ZAN: variants seen among roughly 807,000 people sequenced by gnomAD.
ZAN encodes zonadhesin (gene/pseudogene).
Under a neutral mutation model 286.2 loss-of-function variants are expected in ZAN, and 260 were observed. The observed-to-expected ratio is 0.91, with a 90% CI of 0.82 to 1.01. The LOEUF is 1.01. Ranked by LOEUF, ZAN falls within the 50% of genes least tolerant of loss-of-function variation. The pLI is 0.00. For synonymous variants in ZAN, 1,368 were observed against 1,417.5 expected (o/e 0.97, Z 0.79); for missense variants, 3,410 against 3,639.2 (o/e 0.94, Z 1.62).
rs765867516 is a variant in ZAN at position 100,752,178 on chromosome 7, C to A, written c.2073C>A (p.Ile691=). Residue 691 remains isoleucine (I), a synonymous_variant, in exon 14 of 48, where the codon ATC becomes ATA. Transcript: ENST00000613979. ...KPSIPTEKPS[I]PTEKPTISME... ...GCATCCCTACAGAAAAACCCAGCAT[C>A]CCCACGGAAAAACCCACCATCTCCA... 6.2e-7 allele frequency: 1 copy of A among 1,611,488 alleles called. No individual in the cohort carries two copies. The highest frequency in any genetic ancestry group is 8.5e-7 in the Non-Finnish European group (1 of 1,179,436).
Position 100,747,608 on chromosome 7 carries a change from T to C in ZAN, c.990T>C (p.Val330=), listed in dbSNP as rs1293853685. 1 of 1,613,648 alleles carries C rather than the reference T, an allele frequency of 6.2e-7. No homozygotes were observed. Among genetic ancestry groups the C allele is most frequent in the South Asian group, 1.1e-5 (1 of 91,078 alleles). Residue 330 remains valine (V), a synonymous_variant, in exon 9 of 48, where the codon GTT becomes GTC. Coordinates refer to ENST00000613979, the MANE Select transcript of ZAN (RefSeq NM_003386.3). The part of the protein sequence containing the change: ...SGQPGPNWQA[V]SVNYTAVGRI... ...AACCTGGGCCCAACTGGCAGGCTGT[T>C]TCTGTCAATTACACAGCCGTGGGAC...
chr7:100,783,820 A>G (rs1268588267), intron 35 of ZAN, among the ~76,000 whole-genome samples: 1 of 31,436 alleles, frequency 3.2e-5, no homozygotes, highest in African/African-American at 6.4e-5. Flanking sequence ...ATATATACAT[A>G]TATATATATG....
chr7:100,751,006 A>C (rs1463002280), intron 12 of ZAN, 110 bp downstream of exon 12: 2 of 1,472,004 alleles, frequency 1.4e-6, no homozygotes, highest in Non-Finnish European at 1.8e-6. Context: ...GAGAGCCGAG[A>C]AAAGGGGAAC....
At chr7:100,746,337 C>T (rs1202908305) in intron 7 of ZAN, among the ~76,000 whole-genome samples, 1 of 152,200 alleles carries the variant, frequency 6.6e-6, no homozygotes, top group African/African-American at 2.4e-5. Flanking sequence ...ATGGCAGCGC[C>T]GGGTCCTTAC....
Position 100,735,810 on chromosome 7 carries a change from C to G in ZAN, c.106+38C>G. On this transcript the variant is annotated intron_variant, in intron 3 of 47. Transcript: ENST00000613979. ...CCAGGAGTGCTAAGATTTCTCCTCC[C>G]TCCTCCGAACCCACATTCTGCCACC... 1.4e-6 allele frequency: 2 copies of G among 1,399,500 alleles called. 1 individual carries two copies. The highest frequency in any genetic ancestry group is 2.0e-6 in the Non-Finnish European group (2 of 1,017,664). 86.7% of individuals were successfully genotyped at this position (1,399,500 alleles called of 1,614,324 possible). A position where few individuals can be genotyped will look rare whatever the true frequency, so the allele number is the denominator to read the frequency against.
chr7:100,746,623 C>G lies in ZAN; in HGVS notation c.852C>G (p.Gly284=), dbSNP rs773434526. 6.2e-7 allele frequency: 1 copy of G among 1,614,010 alleles called. No homozygotes were observed. The highest frequency in any genetic ancestry group is 1.1e-5 in the South Asian group (1 of 91,078). Residue 284 remains glycine, a synonymous_variant, in exon 8 of 48, where the codon GGC becomes GGG. Transcript: ENST00000613979. ...VLLSPVSLSS[G]CLSFSFHYIL... ...TGAGCCCCGTGAGCCTGTCCTCTGGCTGTCTGAGCTTTTCCTTCCACTACA... is the reference window on the plus strand; with the variant it reads ...TGAGCCCCGTGAGCCTGTCCTCTGGGTGTCTGAGCTTTTCCTTCCACTACA...
Position 100,748,403 on chromosome 7 carries a change from C to A in ZAN, c.1182C>A (p.His394Gln). 1 of 1,614,034 alleles carries A rather than the reference C, an allele frequency of 6.2e-7. No individual in the cohort carries two copies. Among genetic ancestry groups the A allele is most frequent in the Non-Finnish European group, 8.5e-7 (1 of 1,179,902 alleles). The change falls in exon 11 of 48, where the codon CAC becomes CAA. Residue 394 changes from histidine (H) to glutamine (Q), a missense_variant. Coordinates refer to ENST00000613979, the MANE Select transcript of ZAN (RefSeq NM_003386.3). ...TCCAGACTTCCGGGGATGGTGGACACTGGGCCCTCGGACATAAAAATGGAC... is the reference window on the plus strand; with the variant it reads ...TCCAGACTTCCGGGGATGGTGGACAATGGGCCCTCGGACATAAAAATGGAC... Reference protein sequence around the residue: ...DWVQTSGDGGHWALGHKNGPV... With the variant: ...DWVQTSGDGGQWALGHKNGPV...
Position 100,751,847 on chromosome 7 carries a change from CAGAAAAGCCCACAGTCCCCAA to C in ZAN, c.1755_1775del (p.Val586_Thr592del), listed in dbSNP as rs761562039. 6.2e-7 allele frequency: 1 copy of C among 1,613,610 alleles called. No individual in the cohort carries two copies. Among genetic ancestry groups the C allele is most frequent in the Non-Finnish European group, 8.5e-7 (1 of 1,179,864 alleles). Reference sequence around the variant, plus strand: ...TCCATAGAAAAACCCAGTGTCACCACAGAAAAGCCCACAGTCCCCAAAGAAAAGCCCACCATTCCCACAGAA... The same window carrying C: ...TCCATAGAAAAACCCAGTGTCACCACAGAAAAGCCCACCATTCCCACAGAA... On this transcript the variant is annotated inframe_deletion, in exon 14 of 48. Transcript: ENST00000613979.
rs897729197 is a variant in ZAN at position 100,736,747 on chromosome 7, A to ATGGGTGGGGGCAGCCCTCAGAGG, written c.254-58_254-36dup. 2.1e-6 allele frequency: 3 copies of ATGGGTGGGGGCAGCCCTCAGAGG among 1,456,306 alleles called. 1 individual carries two copies. In the African/African-American group the frequency reaches 4.3e-5, roughly 21 times the overall value. The allele number at this position is 1,456,306 out of a possible 1,614,324, so 90.2% of individuals were successfully genotyped here. ...TGGATGCCTGGGCTCTGAGAAGGGG[A>ATGGGTGGGGGCAGCCCTCAGAGG]TGGGTGGGGGCAGCCCTCAGAGGTG... On this transcript the variant is annotated intron_variant, in intron 4 of 47. Transcript: ENST00000613979.
chr7:100,761,380 C>CTA (rs1408727442), intron 19 of ZAN, among the ~76,000 whole-genome samples: 3 of 152,094 alleles, frequency 2.0e-5, no homozygotes, highest in Non-Finnish European at 4.4e-5. Flanking sequence ...TGGCCTGCAC[C>CTA]TATAATCTCA....
In ZAN at chr7:100,736,901, T is replaced by G; in HGVS notation, c.346T>G (p.Cys116Gly). ...CGACCTATGGGAGCAAGGCCCCCTC[T>G]GTGTGCACTTTGCCCACCACATGTT... ...SPDLWEQGPL[C>G]VHFAHHMFGL... is the part of the protein sequence containing the mutation. The change falls in exon 5 of 48, where the codon TGT (cysteine) becomes GGT (glycine). Residue 116 changes from cysteine (C) to glycine (G), a missense_variant. Physicochemically the swap from Cys to Gly is radical, Grantham distance 159. Coordinates refer to ENST00000613979, the MANE Select transcript of ZAN (RefSeq NM_003386.3). The G allele has an allele frequency of 2.7e-6, 4 of 1,490,838 alleles. 1 individual carries two copies. The highest frequency in any genetic ancestry group is 3.7e-6 in the Non-Finnish European group (4 of 1,091,220). The allele number at this position is 1,490,838 out of a possible 1,614,324, so 92.4% of individuals were successfully genotyped here.
intron 39 of ZAN, 63 bp from the exon 40 acceptor site, chr7:100,790,879 T>TA (rs5886138): frequency 0.096 from 115,552 of 1,199,318 alleles, 391 homozygotes; most frequent in South Asian, 0.16. Context: ...CAAGACTGTC[T>TA]AAAAAAAAAA....
At chr7:100,783,264 A>G (rs1202806163) in intron 35 of ZAN, among the ~76,000 whole-genome samples, 2 of 152,072 alleles carry the variant, frequency 1.3e-5, no homozygotes, top group South Asian at 2.1e-4. Flanking sequence ...GCGAAACTCT[A>G]TCTCAAAAAA....
intron 45 of ZAN, among the ~76,000 whole-genome samples, chr7:100,796,421 C>CTTTT (rs144829996): frequency 8.3e-6 from 1 of 120,418 alleles, no homozygotes; most frequent in Non-Finnish European, 1.7e-5. Context: ...CAGGAATCTG[C>CTTTT]TTTTTTTTTT....
Position 100,759,724 on chromosome 7 carries a change from C to T in ZAN, c.3575C>T (p.Pro1192Leu), listed in dbSNP as rs942783299. 4 of 1,585,786 alleles carry T rather than the reference C, an allele frequency of 2.5e-6. No homozygotes were observed. The highest frequency in any genetic ancestry group is 2.7e-5 in the African/African-American group (2 of 74,088). The change falls in exon 18 of 48, where the codon CCA becomes CTA. Residue 1192 changes from proline (P) to leucine (L), a missense_variant. Around this residue, in one of 7 missense-constraint regions of ZAN, gnomAD observed 1,042 missense variants for 1,058.0 expected, o/e 0.98. Transcript: ENST00000613979. ...LAQPCGNSTD[P>L]FFRVTAKNEE... Reference sequence around the variant, plus strand: ...CTTCATTCCTCTCCCTACCCAGACCCATTCTTCAGGGTGACAGCCAAGAAT... The same window carrying T: ...CTTCATTCCTCTCCCTACCCAGACCTATTCTTCAGGGTGACAGCCAAGAAT...
rs542479092 is a variant in ZAN at position 100,749,725 on chromosome 7, T to C, written c.1250-900T>C. 2.4e-4 allele frequency among the ~76,000 whole-genome samples: 34 copies of C among 140,738 alleles called. No homozygotes were observed. The East Asian group carries it at 2.8e-3, about 12-fold the overall frequency. 92.3% of individuals were successfully genotyped at this position (140,738 alleles called of 152,430 possible). A position where few individuals can be genotyped will look rare whatever the true frequency, so the allele number is the denominator to read the frequency against. On this transcript the variant is annotated intron_variant, in intron 11 of 47. Transcript: ENST00000613979. ...ACATATATATATACACACACACACA[T>C]ATATATATATAAAGAAATAATTTTT...
intron 19 of ZAN, among the ~76,000 whole-genome samples, chr7:100,761,395 G>A (rs541524059): frequency 1.4e-4 from 21 of 152,106 alleles, no homozygotes; most frequent in African/African-American, 5.1e-4. Context: ...ATCTCAGCAT[G>A]CTGGGAGGCC....
chr7:100,786,089 G>A lies in ZAN; in HGVS notation c.6927G>A (p.Gly2309=). Residue 2309 remains glycine, a synonymous_variant, in exon 37 of 48, where the codon GGG becomes GGA. Transcript: ENST00000613979. ...IQCGDFRCPS[G]SHCQLTSDNS... ...GCGGGGACTTCCGATGCCCCTCTGGGTCCCACTGCCAGCTCACTTCCGACA... is the reference window on the plus strand; with the variant it reads ...GCGGGGACTTCCGATGCCCCTCTGGATCCCACTGCCAGCTCACTTCCGACA... 2 of 1,614,024 alleles carry A rather than the reference G, an allele frequency of 1.2e-6. No homozygotes were observed. Among genetic ancestry groups the A allele is most frequent in the Non-Finnish European group, 1.7e-6 (2 of 1,179,894 alleles).
intron 34 of ZAN, among the ~76,000 whole-genome samples, chr7:100,776,779 G>GCGGAC (rs1262108536): frequency 1.8e-5 from 2 of 112,496 alleles, no homozygotes; most frequent in East Asian, 5.9e-4. Flanking sequence ...AGGCCGGACT[G>GCGGAC]CGGACTGCAG....
Sources: gnomAD v4.1 joint callset for allele counts (sites outside exome capture counted in the v4.1 genomes callset) on GRCh38, gnomAD v4.1.1 for gene constraint, gnomAD v4.1.1 regional missense constraint, MANE v1.5 for transcripts, NCBI Gene and HGNC (gene_info 2026-07-23, HGNC 2026-07-21) for gene names.